Variants in ARAP2 observed in about 807,000 individuals in gnomAD.
The protein encoded by ARAP2 is arf-GAP with Rho-GAP domain, ANK repeat and PH domain-containing protein 2.
A neutral mutation model predicts 194.5 loss-of-function variants in ARAP2; 148 were observed. That is an observed-to-expected ratio of 0.76 (90% CI 0.67 to 0.87). ARAP2 has a LOEUF of 0.87. Among genes scored for constraint, ARAP2 ranks in the 40% least tolerant of loss-of-function variants. ARAP2 has a pLI of 0.00. For synonymous variants in ARAP2, 695 were observed against 683.5 expected (o/e 1.02, Z -0.26); for missense variants, 2,128 against 1,989.7 (o/e 1.07, Z -1.32).
chr4:36,063,408 G>A (rs187994460), downstream of ARAP2, among the ~76,000 whole-genome samples: 1 of 150,858 alleles, frequency 6.6e-6, no homozygotes, highest in Non-Finnish European at 1.5e-5. Flanking sequence ...GTATACCTAT[G>A]TAACAAACTT....
intron 6 of ARAP2, among the ~76,000 whole-genome samples, chr4:36,203,159 T>C (rs1744778548): frequency 6.6e-6 from 1 of 152,152 alleles, no homozygotes; most frequent in Non-Finnish European, 1.5e-5. Flanking sequence ...TTTTATTCAA[T>C]GGAGAGAATA....
chr4:36,076,998 G>A (rs984055148), intron 31 of ARAP2, among the ~76,000 whole-genome samples: 1 of 152,090 alleles, frequency 6.6e-6, no homozygotes, highest in African/African-American at 2.4e-5. Flanking sequence ...AGATAGCAAG[G>A]GCATGGGAGT....
intron 6 of ARAP2, among the ~76,000 whole-genome samples, chr4:36,209,749 G>T (rs2109265421): frequency 6.6e-6 from 1 of 152,244 alleles, no homozygotes; most frequent in African/African-American, 2.4e-5. Flanking sequence ...AAATTAGGAT[G>T]CCAGTAAACA....
chr4:36,042,116 C>A (rs910314297), intron 5 of ARAP2, among the ~76,000 whole-genome samples: 3 of 152,028 alleles, frequency 2.0e-5, no homozygotes, highest in African/African-American at 7.3e-5. Flanking sequence ...GTATGACAAG[C>A]CCCCATGACA....
intron 22 of ARAP2, among the ~76,000 whole-genome samples, chr4:36,124,309 A>AT (rs200875717): frequency 2.0e-5 from 3 of 151,794 alleles, no homozygotes; most frequent in Non-Finnish European, 2.9e-5. Flanking sequence ...TCCTGCTAAG[A>AT]TTTAAAAAAA....
chr4:36,045,146 A>T (rs2109237002), intron 5 of ARAP2, among the ~76,000 whole-genome samples: 1 of 152,278 alleles, frequency 6.6e-6, no homozygotes, highest in East Asian at 1.9e-4. Context: ...TCCTTAAAAA[A>T]CTATAAACAA....
At chr4:36,184,065 G>T (rs1289069641) in intron 8 of ARAP2, among the ~76,000 whole-genome samples, 1 of 152,064 alleles carries the variant, frequency 6.6e-6, no homozygotes, top group Non-Finnish European at 1.5e-5. Context: ...TTAAGTTAAA[G>T]TCCTTAAGCC....
intron 1 of ARAP2, among the ~76,000 whole-genome samples, chr4:36,240,300 T>G (rs1578394835): frequency 6.6e-6 from 1 of 152,228 alleles, no homozygotes; most frequent in East Asian, 1.9e-4. Flanking sequence ...TCGGTCTGCA[T>G]AGTAGTATTA....
intron 2 of ARAP2, among the ~76,000 whole-genome samples, chr4:36,219,981 C>A (rs1452778845): frequency 6.6e-6 from 1 of 152,086 alleles, no homozygotes; most frequent in Non-Finnish European, 1.5e-5. Context: ...AAAGGTAAAA[C>A]CTTTTTTAAA....
At chr4:36,130,762 T>C (rs1458491405) in intron 20 of ARAP2, among the ~76,000 whole-genome samples, 2 of 151,878 alleles carry the variant, frequency 1.3e-5, no homozygotes, top group Non-Finnish European at 2.9e-5. Flanking sequence ...AGTTACACAG[T>C]GCCTAGAACT....
chr4:36,146,922 G>A (rs1186558805), intron 19 of ARAP2, among the ~76,000 whole-genome samples: 1 of 151,988 alleles, frequency 6.6e-6, no homozygotes, highest in East Asian at 1.9e-4. Context: ...TTTTAGCTAT[G>A]CATGACCCAC....
intron 8 of ARAP2, among the ~76,000 whole-genome samples, chr4:36,014,328 AAG>A (rs1715328149): frequency 5.1e-5 from 2 of 39,292 alleles, no homozygotes; most frequent in Non-Finnish European, 1.2e-4. Flanking sequence ...GAAAGAGAGA[AAG>A]AAAGAAAGAA....
In ARAP2 at chr4:36,066,226, C is replaced by T. The variant is rs956706554; in HGVS notation, c.*1681G>A. 2 of 152,086 alleles carry T rather than the reference C, an allele frequency of 1.3e-5. No individual in the cohort carries two copies. Among genetic ancestry groups the T allele is most frequent in the Admixed American group, 6.5e-5 (1 of 15,280 alleles). The allele number at this position is 152,086 out of a possible 1,614,324, so 9.4% of individuals were successfully genotyped here. A position where few individuals can be genotyped will look rare whatever the true frequency, so the allele number is the denominator to read the frequency against. On this transcript the variant is annotated 3_prime_UTR_variant, in exon 33 of 33. Coordinates refer to ENST00000303965, the MANE Select transcript of ARAP2 (RefSeq NM_015230.4). ...ACCAAATATTAATTTCCACATACCT[C>T]TTTATTTCATAAAAATATAAATATT...
intron 8 of ARAP2, among the ~76,000 whole-genome samples, chr4:36,186,063 A>G (rs1740491674): frequency 6.6e-6 from 1 of 152,202 alleles, no homozygotes; most frequent in South Asian, 2.1e-4. Flanking sequence ...TGTCTGGCAC[A>G]TATCAGGTAT....
chr4:36,193,989 C>A (rs1462787402), intron 6 of ARAP2, among the ~76,000 whole-genome samples: 1 of 152,086 alleles, frequency 6.6e-6, no homozygotes, highest in Non-Finnish European at 1.5e-5. Context: ...ATAATATAAG[C>A]TTTCATCCCT....
chr4:36,082,145 G>T, intron 30 of ARAP2, 106 bp downstream of exon 30: 2 of 1,077,912 alleles, frequency 1.9e-6, no homozygotes, highest in South Asian at 1.5e-5. Context: ...TTTCACTTAG[G>T]CAAAACACTT....
At chr4:36,101,396 G>GATTTTTTT (rs61553104) in intron 27 of ARAP2, among the ~76,000 whole-genome samples, 1 of 149,900 alleles carries the variant, frequency 6.7e-6, no homozygotes. Flanking sequence ...AAGTACCAGA[G>GATTTTTTT]TTTTTTTTTT....
At chr4:36,069,895 T>G (rs768312221) in intron 32 of ARAP2, among the ~76,000 whole-genome samples, 1 of 152,118 alleles carries the variant, frequency 6.6e-6, no homozygotes, top group Non-Finnish European at 1.5e-5. Context: ...GAGTGAGTTA[T>G]GTTGAGATCT....
intron 19 of ARAP2, among the ~76,000 whole-genome samples, chr4:36,144,122 A>G (rs1231435453): frequency 6.6e-6 from 1 of 151,882 alleles, no homozygotes; most frequent in Non-Finnish European, 1.5e-5. Context: ...CTACATTTTA[A>G]TTAAAACCTA....
Sources: allele counts gnomAD v4.1 joint callset (sites outside exome capture counted in the v4.1 genomes callset), GRCh38; gene constraint gnomAD v4.1.1; transcripts MANE v1.5; gene names NCBI Gene and HGNC (gene_info 2026-07-23, HGNC 2026-07-21).